The following FMN2 variants were observed in gnomAD, a reference collection of about 807,000 sequenced individuals.
FMN2 encodes the protein formin 2.
FMN2 carries 51 observed loss-of-function variants against 142.3 expected under a neutral mutation model. The ratio of observed to expected loss-of-function variants is 0.36; its 90% CI spans 0.29 to 0.45. FMN2 has a LOEUF of 0.45. Ranked by LOEUF, FMN2 falls within the 20% of genes least tolerant of loss-of-function variation. FMN2 has a pLI of 1.00. For synonymous variants in FMN2, 882 were observed against 869.8 expected, an observed-to-expected ratio of 1.01 and a Z score of -0.25; for missense variants, 1,936 against 2,122.8, an observed-to-expected ratio of 0.91 and a Z score of 1.73.
At chr1:240,218,281 CAAAAAAAAAAAAAAA>C (rs60722656) in intron 6 of FMN2, among the ~76,000 whole-genome samples, 2 of 92,952 alleles carry the variant, frequency 2.2e-5, no homozygotes, top group African/African-American at 8.1e-5. Context: ...GACTCTGTCT[CAAAAAAAAAAAAAAA>C]AAAAAAAAAA....
At chr1:240,096,333 G>C (rs915941956) in intron 1 of FMN2, among the ~76,000 whole-genome samples, 2 of 152,130 alleles carry the variant, frequency 1.3e-5, no homozygotes, top group Non-Finnish European at 2.9e-5. Context: ...TTTAATGGTT[G>C]AACATCTGGC....
At chr1:240,169,554 C>A (rs139563118) in intron 2 of FMN2, among the ~76,000 whole-genome samples, 2 of 152,266 alleles carry the variant, frequency 1.3e-5, no homozygotes, top group East Asian at 3.9e-4. Flanking sequence ...GCCTCGACCT[C>A]CCCCCGGGCT....
At chr1:240,097,635 G>A (rs1252940892) in intron 1 of FMN2, among the ~76,000 whole-genome samples, 2 of 152,148 alleles carry the variant, frequency 1.3e-5, no homozygotes, top group Admixed American at 6.5e-5. Context: ...GATTACAGGC[G>A]TGAGCCACCG....
rs551368039 is a variant in FMN2, at chr1:240,344,792, C to T, written c.4765+10563C>T. On this transcript the variant is annotated intron_variant, in intron 13 of 17. Transcript: ENST00000319653. ...TGCAGCTAATTAAAGGTGATTACTTCCCTGTCATTTTGAGTTAAAGTACAT... is the reference window on the plus strand; with the variant it reads ...TGCAGCTAATTAAAGGTGATTACTTTCCTGTCATTTTGAGTTAAAGTACAT... Among the ~76,000 whole-genome samples the T allele has an allele frequency of 7.9e-5, 12 of 152,290 alleles. No homozygotes were observed. The East Asian group carries it at 2.1e-3, about 27-fold the overall frequency.
intron 2 of FMN2, among the ~76,000 whole-genome samples, chr1:240,124,251 A>G (rs538432157): frequency 3.0e-4 from 46 of 152,312 alleles, no homozygotes; most frequent in Non-Finnish European, 5.7e-4. Context: ...GGTCGTAGGC[A>G]TTCCTTCAGA....
Position 240,365,779 on chromosome 1 carries a change from A to G in FMN2, c.4858+9871A>G, listed in dbSNP as rs546892125. ...TTAATGACACCTTAGCTAATAATAT[A>G]CATTGTTCATTCATTAATGTTGAAC... On this transcript the variant is annotated intron_variant, in intron 14 of 17. Coordinates refer to ENST00000319653, the MANE Select transcript of FMN2 (RefSeq NM_020066.5). 2.6e-5 allele frequency among the ~76,000 whole-genome samples: 4 copies of G among 152,298 alleles called. No homozygotes were observed. In the South Asian group the frequency reaches 8.3e-4, roughly 32 times the overall value.
At chr1:240,395,062 T>C (rs748145418) in intron 15 of FMN2, among the ~76,000 whole-genome samples, 2 of 152,204 alleles carry the variant, frequency 1.3e-5, no homozygotes, top group African/African-American at 4.8e-5. Context: ...TAACTTTCAG[T>C]TGAAGCCAGT....
chr1:240,330,839 T>C (rs961114921), intron 11 of FMN2, 90 bp downstream of exon 11: 2 of 1,461,928 alleles, frequency 1.4e-6, no homozygotes, highest in Non-Finnish European at 1.8e-6. Context: ...TTGTAAAAAA[T>C]ATTTATGTTC....
chr1:240,246,894 G>A (rs61829170), intron 6 of FMN2, among the ~76,000 whole-genome samples: 4,722 of 152,128 alleles, frequency 0.031, 107 homozygotes, highest in Non-Finnish European at 0.048. Context: ...CATTTTCTGC[G>A]TTTTGCCTCA....
intron 7 of FMN2, among the ~76,000 whole-genome samples, chr1:240,286,301 A>T (rs368461463): frequency 1.3e-5 from 2 of 152,140 alleles, no homozygotes; most frequent in East Asian, 3.9e-4. Flanking sequence ...TACAATTGTG[A>T]TTGCTGTGTC....
chr1:240,418,189 ATATT>A, intron 15 of FMN2, among the ~76,000 whole-genome samples: 1 of 150,094 alleles, frequency 6.7e-6, no homozygotes, highest in Non-Finnish European at 1.5e-5. Context: ...AAATTCTTTT[ATATT>A]TATTATGATT....
chr1:240,294,782 G>C lies in FMN2; in HGVS notation c.4154-40G>C, dbSNP rs542288330. Reference sequence around the variant, plus strand: ...GAGATGGTCAAACATCTTTTCACAGGTGGCTTATGGCAATTTATATTCTTC... The same window carrying C: ...GAGATGGTCAAACATCTTTTCACAGCTGGCTTATGGCAATTTATATTCTTC... On this transcript the variant is annotated intron_variant, in intron 7 of 17. Coordinates refer to ENST00000319653, the MANE Select transcript of FMN2 (RefSeq NM_020066.5). 11 of 1,596,124 alleles carry C rather than the reference G, an allele frequency of 6.9e-6. No homozygotes were observed. The East Asian group carries it at 2.2e-4, about 32-fold the overall frequency.
intron 14 of FMN2, among the ~76,000 whole-genome samples, chr1:240,386,710 G>A (rs188131585): frequency 5.3e-5 from 8 of 152,272 alleles, no homozygotes; most frequent in East Asian, 1.9e-4. Flanking sequence ...TATTAGTGCC[G>A]TTGGAGAAGA....
At chr1:240,429,895 GT>G (rs1217708106) in intron 15 of FMN2, among the ~76,000 whole-genome samples, 1,775 of 119,034 alleles carry the variant, frequency 0.015, 33 homozygotes, top group African/African-American at 0.082. Flanking sequence ...TTTTTTTTTT[GT>G]TTTTTTTGAG....
intron 3 of FMN2, among the ~76,000 whole-genome samples, chr1:240,184,805 A>G (rs1213006337): frequency 1.3e-5 from 2 of 151,854 alleles, no homozygotes; most frequent in Non-Finnish European, 2.9e-5. Flanking sequence ...GCTCTATGAA[A>G]GTTGGAACTA....
At chr1:240,312,585 G>A (rs534373681) in intron 8 of FMN2, among the ~76,000 whole-genome samples, 67 of 152,284 alleles carry the variant, frequency 4.4e-4, no homozygotes, top group Middle Eastern at 6.8e-3. Flanking sequence ...GTTTATGGCA[G>A]TTAGAACGCT....
intron 4 of FMN2, among the ~76,000 whole-genome samples, chr1:240,205,531 A>G (rs1215570498): frequency 7.5e-6 from 1 of 133,330 alleles, no homozygotes. Flanking sequence ...GCGCAATCTC[A>G]GCTCACTGCA....
At chr1:240,430,092 T>G (rs1675097657) in intron 15 of FMN2, among the ~76,000 whole-genome samples, 1 of 151,996 alleles carries the variant, frequency 6.6e-6, no homozygotes, top group Non-Finnish European at 1.5e-5. Context: ...TCCACCATGT[T>G]AGTCAGGATG....
intron 8 of FMN2, among the ~76,000 whole-genome samples, chr1:240,303,875 A>G (rs1670287834): frequency 6.6e-6 from 1 of 151,950 alleles, no homozygotes; most frequent in Non-Finnish European, 1.5e-5. Flanking sequence ...TGTTCTTTAG[A>G]GTTGATACTT....
Sources: allele counts gnomAD v4.1 joint callset (sites outside exome capture counted in the v4.1 genomes callset), GRCh38; gene constraint gnomAD v4.1.1; transcripts MANE v1.5; gene names NCBI Gene and HGNC (gene_info 2026-07-23, HGNC 2026-07-21).